The following TEF variants were observed in gnomAD, a reference collection of about 807,000 sequenced individuals.
TEF encodes the protein TEF transcription factor, PAR bZIP family member.
TEF carries 3 observed loss-of-function variants against 20.8 expected under a neutral mutation model. The observed-to-expected ratio is 0.14, with a 90% CI of 0.07 to 0.37. TEF has a LOEUF of 0.37. TEF is among the 10% of genes least tolerant of loss of function. The pLI, the probability that TEF is intolerant of heterozygous loss-of-function variation, is 1.00. For synonymous variants in TEF, 180 were observed against 171.1 expected (o/e 1.05, Z -0.41); for missense variants, 296 against 397.9 (o/e 0.74, Z 2.18).
intron 3 of TEF, 147 bp downstream of exon 3, chr22:41,394,463 C>A: frequency 1.3e-6 from 1 of 793,838 alleles, no homozygotes; most frequent in Non-Finnish European, 2.0e-6. Flanking sequence ...AAAGCCATAT[C>A]CTTCAGCAGT....
chr22:41,373,823 G>A (rs2036910259), intron 1 of TEF, among the ~76,000 whole-genome samples: 1 of 150,574 alleles, frequency 6.6e-6, no homozygotes, highest in African/African-American at 2.4e-5. Context: ...GAGTGCAATG[G>A]TGTGGCCTCG....
intron 1 of TEF, among the ~76,000 whole-genome samples, chr22:41,373,010 C>T (rs2036901132): frequency 6.6e-6 from 1 of 152,114 alleles, no homozygotes; most frequent in South Asian, 2.1e-4. Flanking sequence ...ACCCGAAGGG[C>T]GAGCACCTGC....
At position 41,372,431 on chromosome 22, in the gene TEF, G is replaced by A. The variant is rs1294251336; in HGVS notation, c.67+4832G>A. 2.0e-5 allele frequency among the ~76,000 whole-genome samples: 3 copies of A among 152,166 alleles called. No individual in the cohort carries two copies. In the East Asian group the frequency reaches 5.8e-4, roughly 29 times the overall value. ...AGCGTGAGCCAGGACTGTATTGTGT[G>A]TGCCTATGTCACTATCTGTGCAATG... On this transcript the variant is annotated intron_variant, in intron 1 of 3. Transcript: ENST00000406644.
At chr22:41,374,277 A>G (rs913753931) in intron 1 of TEF, among the ~76,000 whole-genome samples, 101 of 152,002 alleles carry the variant, frequency 6.6e-4, no homozygotes, top group African/African-American at 2.4e-3. Context: ...CAAGCCAGGC[A>G]TGGTGGCTCA....
At position 41,396,418 on chromosome 22, in the gene TEF, C is replaced by T. The variant is rs764571112; in HGVS notation, c.*458C>T. The T allele has an allele frequency of 1.8e-5, 3 of 170,018 alleles. No homozygotes were observed. Among genetic ancestry groups the T allele is most frequent in the Non-Finnish European group, 3.8e-5 (3 of 78,872 alleles). The allele number at this position is 170,018 out of a possible 1,614,324, so 10.5% of individuals were successfully genotyped here. On this transcript the variant is annotated 3_prime_UTR_variant, in exon 4 of 4. Coordinates refer to ENST00000266304, the MANE Select transcript of TEF (RefSeq NM_003216.4). Reference sequence around the variant, plus strand: ...CCACTTAAGGTGTGTCTGTCACGCACCTCATTCTCCCCAGACAGTCTTTGA... The same window carrying T: ...CCACTTAAGGTGTGTCTGTCACGCATCTCATTCTCCCCAGACAGTCTTTGA...
chr22:41,367,484 C>G lies in TEF; in HGVS notation c.-49C>G, dbSNP rs558942940. ...GCCTCTGAACTCCCTGGAGCAAGCA[C>G]CTCCTGCTGGGCTGTGTGAGCTGCG... On this transcript the variant is annotated 5_prime_UTR_variant, in exon 1 of 4. Coordinates refer to the TEF transcript ENST00000406644. 5 of 1,534,640 alleles carry G rather than the reference C, an allele frequency of 3.3e-6. No homozygotes were observed. In the Admixed American group the frequency reaches 9.9e-5, roughly 30 times the overall value.
chr22:41,369,360 ATTAG>A (rs1233676550), intron 1 of TEF: 8 of 671,226 alleles, frequency 1.2e-5, no homozygotes, highest in East Asian at 1.4e-4. Flanking sequence ...GTGGCCGAGA[ATTAG>A]TTAGTCCAGC....
chr22:41,382,150 C>T lies in TEF; in HGVS notation c.106C>T (p.Pro36Ser). The change falls in exon 1 of 4, where the codon CCC (proline) becomes TCC (serine). Residue 36 changes from proline to serine, a missense_variant. By Grantham distance (74) the Pro-to-Ser change is moderately conservative. Coordinates refer to ENST00000266304, the MANE Select transcript of TEF (RefSeq NM_003216.4). ...GGAAAGGGGCCTGTCGGGGTCCTTC[C>T]CCCTGGTCCTGAAGAAGCTGATGGA... ...AGERGLSGSFPLVLKKLMENP... is the reference protein window; with the variant it reads ...AGERGLSGSFSLVLKKLMENP... 2 of 1,241,050 alleles carry T rather than the reference C, an allele frequency of 1.6e-6. No homozygotes were observed. The allele number at this position is 1,241,050 out of a possible 1,614,324, so 76.9% of individuals were successfully genotyped here.
At chr22:41,375,425 CA>C (rs2036928055) in intron 1 of TEF, among the ~76,000 whole-genome samples, 2 of 152,340 alleles carry the variant, frequency 1.3e-5, no homozygotes, top group East Asian at 3.9e-4. Context: ...AATTGTGAAT[CA>C]AACACAATGC....
At chr22:41,381,885 G>A (rs2037029667), upstream of TEF, 2 of 1,225,588 alleles carry the variant, frequency 1.6e-6, no homozygotes, top group Non-Finnish European at 2.0e-6. Flanking sequence ...ATGTGCCAGA[G>A]CCGGTCCGCA....
Position 41,382,031 on chromosome 22 carries a change from G to A in TEF, c.-14G>A. Reference sequence around the variant, plus strand: ...GCGGGGGAGGCGAGGTGCGCGAGCCGAGTCCGGGGCACGATGTCCGACGCG... The same window carrying A: ...GCGGGGGAGGCGAGGTGCGCGAGCCAAGTCCGGGGCACGATGTCCGACGCG... On this transcript the variant is annotated 5_prime_UTR_variant, in exon 1 of 4. Coordinates refer to ENST00000266304, the MANE Select transcript of TEF (RefSeq NM_003216.4). The A allele has an allele frequency of 8.1e-7, 1 of 1,230,320 alleles. No homozygotes were observed. 76.2% of individuals were successfully genotyped at this position (1,230,320 alleles called of 1,614,324 possible). A position where few individuals can be genotyped will look rare whatever the true frequency, so the allele number is the denominator to read the frequency against.
chr22:41,390,834 G>T (rs2037156295), intron 2 of TEF, among the ~76,000 whole-genome samples: 1 of 152,110 alleles, frequency 6.6e-6, no homozygotes, highest in Non-Finnish European at 1.5e-5. Context: ...AGGTATCCAT[G>T]GGGAAATGAG....
intron 1 of TEF, among the ~76,000 whole-genome samples, chr22:41,372,526 A>G (rs1485117125): frequency 6.6e-6 from 1 of 152,214 alleles, no homozygotes; most frequent in Admixed American, 6.5e-5. Context: ...AGGAAAGGCC[A>G]CACAGTTGTT....
Position 41,394,249 on chromosome 22 carries a change from A to G in TEF, c.629A>G (p.Glu210Gly). 1 of 1,614,156 alleles carries G rather than the reference A, an allele frequency of 6.2e-7. No individual in the cohort carries two copies. Among genetic ancestry groups the G allele is most frequent in the Admixed American group, 1.7e-5 (1 of 60,012 alleles). ...AACCCTCGGAAGCACAAGTTTGCTG[A>G]GGAGGACCTGAAGCCCCAGCCTATG... Reference protein sequence around the residue: ...LFNPRKHKFAEEDLKPQPMIK... With the variant: ...LFNPRKHKFAGEDLKPQPMIK... The change falls in exon 3 of 4, where the codon GAG becomes GGG. Residue 210 changes from glutamate to glycine, a missense_variant. Glu to Gly is a moderately conservative substitution (Grantham distance 98). Coordinates refer to ENST00000266304, the MANE Select transcript of TEF (RefSeq NM_003216.4).
intron 2 of TEF, among the ~76,000 whole-genome samples, chr22:41,390,165 C>A (rs571587960): frequency 9.7e-4 from 147 of 152,234 alleles, no homozygotes; most frequent in Non-Finnish European, 1.3e-3. Flanking sequence ...TCTGGGATTA[C>A]AAGTGTGAGC....
rs559409336 is a variant in TEF at position 41,387,194 on chromosome 22, C to T, written c.158-157C>T. The T allele has an allele frequency of 4.2e-4, 347 of 819,046 alleles. 2 individuals carry two copies. In the East Asian group the frequency reaches 7.7e-3, roughly 18 times the overall value. 50.7% of individuals were successfully genotyped at this position (819,046 alleles called of 1,614,324 possible). On this transcript the variant is annotated intron_variant, in intron 1 of 3. Transcript: ENST00000266304. Reference sequence around the variant, plus strand: ...GAAAACAGCCGGCCTGGTTCAAGTGCGAGATTCGAACTGGAGAATAGAGTA... The same window carrying T: ...GAAAACAGCCGGCCTGGTTCAAGTGTGAGATTCGAACTGGAGAATAGAGTA...
chr22:41,394,426 A>G, intron 3 of TEF, 110 bp downstream of exon 3: 3 of 1,063,560 alleles, frequency 2.8e-6, no homozygotes, highest in Admixed American at 2.6e-5. Flanking sequence ...TTGTGACACC[A>G]TTTGGAAAGA....
Position 41,381,976 on chromosome 22 carries a change from C to A in TEF, c.-69C>A, listed in dbSNP as rs372032176. 2.0e-5 allele frequency: 24 copies of A among 1,226,334 alleles called. No individual in the cohort carries two copies. The East Asian group carries it at 3.5e-4, about 18-fold the overall frequency. The allele number at this position is 1,226,334 out of a possible 1,614,324, so 76.0% of individuals were successfully genotyped here. A position where few individuals can be genotyped will look rare whatever the true frequency, so the allele number is the denominator to read the frequency against. On this transcript the variant is annotated 5_prime_UTR_variant, in exon 1 of 4. Coordinates refer to ENST00000266304, the MANE Select transcript of TEF (RefSeq NM_003216.4). ...GCCCGTGTCGGCAGCTGCAGCGGGT[C>A]GCACGGCTCCGGCCCATCTCGGGGG...
intron 1 of TEF, chr22:41,382,791 T>G (rs1601818851): frequency 6.1e-5 from 23 of 379,418 alleles, no homozygotes; most frequent in African/African-American, 1.1e-4. Context: ...GTGGGGGGGG[T>G]GTGGGCGAGT....
Sources: gnomAD v4.1 joint callset for allele counts (sites outside exome capture counted in the v4.1 genomes callset) on GRCh38, gnomAD v4.1.1 for gene constraint, MANE v1.5 for transcripts, NCBI Gene and HGNC (gene_info 2026-07-23, HGNC 2026-07-21) for gene names.